Variants in ADCY2 observed in about 807,000 individuals in gnomAD.
ADCY2 encodes adenylate cyclase type 2.
ADCY2 carries 31 observed loss-of-function variants against 125.2 expected under a neutral mutation model. That is an observed-to-expected ratio of 0.25 (90% CI 0.19 to 0.33). ADCY2 has a LOEUF of 0.33. ADCY2 is among the 10% of genes least tolerant of loss of function. The pLI, the probability that ADCY2 is intolerant of heterozygous loss-of-function variation, is 1.00. For missense variants in ADCY2, 904 were observed against 1,418.2 expected (o/e 0.64, Z 5.82); for synonymous variants, 512 against 548.4 (o/e 0.93, Z 0.93).
intron 16 of ADCY2, among the ~76,000 whole-genome samples, chr5:7,758,569 G>A (rs1040461309): frequency 3.3e-5 from 5 of 152,182 alleles, no homozygotes; most frequent in African/African-American, 1.2e-4. Flanking sequence ...AATATTTATT[G>A]TATATAAAGA....
intron 20 of ADCY2, among the ~76,000 whole-genome samples, chr5:7,791,246 T>C (rs1744241395): frequency 6.6e-6 from 1 of 152,052 alleles, no homozygotes; most frequent in Non-Finnish European, 1.5e-5. Context: ...CTGAGATTTT[T>C]TTTTTCAGAG....
rs112383782 is a variant in ADCY2, at chr5:7,498,484, G to A, written c.409-22254G>A. Among the ~76,000 whole-genome samples the A allele has an allele frequency of 1.4e-4, 22 of 151,912 alleles. 1 individual carries two copies. Among genetic ancestry groups the A allele is most frequent in the South Asian group, 8.3e-4 (4 of 4,820 alleles). ...AGGATGGTCTCGATCTCCTGACCTC[G>A]TGATCCGCCTGCTTCAGCCTCCCAA... On this transcript the variant is annotated intron_variant, in intron 2 of 24. Transcript: ENST00000338316.
chr5:7,733,252 C>A (rs531387553), intron 14 of ADCY2, among the ~76,000 whole-genome samples: 7 of 152,124 alleles, frequency 4.6e-5, no homozygotes, highest in Non-Finnish European at 8.8e-5. Context: ...ATTATTATTT[C>A]TACTCAGATC....
intron 4 of ADCY2, among the ~76,000 whole-genome samples, chr5:7,634,821 A>T (rs143483900): frequency 5.9e-5 from 9 of 152,140 alleles, no homozygotes; most frequent in Non-Finnish European, 1.0e-4. Context: ...CAGGTGATAG[A>T]CTGTAACTTA....
chr5:7,612,361 CTTTG>C (rs1489806443), intron 3 of ADCY2, among the ~76,000 whole-genome samples: 2 of 152,254 alleles, frequency 1.3e-5, no homozygotes, highest in East Asian at 1.9e-4. Flanking sequence ...TACAGGGTGT[CTTTG>C]TTTGGGCTTC....
At chr5:7,821,441 G>A (rs1299259984) in intron 24 of ADCY2, among the ~76,000 whole-genome samples, 1 of 152,212 alleles carries the variant, frequency 6.6e-6, no homozygotes, top group Non-Finnish European at 1.5e-5. Flanking sequence ...GACAGTGACA[G>A]AATCAAGGAA....
chr5:7,725,448 T>C (rs1465746094), intron 13 of ADCY2, among the ~76,000 whole-genome samples: 1 of 152,152 alleles, frequency 6.6e-6, no homozygotes, highest in Non-Finnish European at 1.5e-5. Context: ...CCAAAATCTA[T>C]GGACACACCA....
chr5:7,775,175 TTGTGTGTGTGTG>T (rs200142910), intron 18 of ADCY2, among the ~76,000 whole-genome samples: 5 of 146,154 alleles, frequency 3.4e-5, no homozygotes, highest in South Asian at 2.2e-4. Context: ...CCCAGCTACT[TTGTGTGTGTGTG>T]TGTGTGTGTG....
At chr5:7,755,920 T>C (rs1178921387) in intron 15 of ADCY2, among the ~76,000 whole-genome samples, 1 of 152,250 alleles carries the variant, frequency 6.6e-6, no homozygotes, top group Non-Finnish European at 1.5e-5. Context: ...TTATTTGAAT[T>C]TGAATTTCAC....
chr5:7,484,656 A>G (rs1003202594), intron 2 of ADCY2, among the ~76,000 whole-genome samples: 1 of 152,094 alleles, frequency 6.6e-6, no homozygotes, highest in African/African-American at 2.4e-5. Flanking sequence ...CTACACTTCT[A>G]TCCTCTTTCT....
At chr5:7,649,479 A>G (rs546861798) in intron 4 of ADCY2, among the ~76,000 whole-genome samples, 14 of 152,274 alleles carry the variant, frequency 9.2e-5, no homozygotes, top group African/African-American at 3.4e-4. Flanking sequence ...GAAAGTACAT[A>G]TTTTTTCTTC....
intron 3 of ADCY2, among the ~76,000 whole-genome samples, chr5:7,566,743 AAAAC>A (rs1219950884): frequency 5.3e-5 from 8 of 152,268 alleles, no homozygotes; most frequent in Admixed American, 1.3e-4. Flanking sequence ...CCTCAGTGGC[AAAAC>A]AAACAAACAA....
intron 2 of ADCY2, among the ~76,000 whole-genome samples, chr5:7,491,793 A>G (rs545870656): frequency 6.6e-6 from 1 of 152,190 alleles, no homozygotes; most frequent in African/African-American, 2.4e-5. Flanking sequence ...AATGATTACT[A>G]TTTCCATTTG....
intron 3 of ADCY2, among the ~76,000 whole-genome samples, chr5:7,564,040 G>A (rs1735811926): frequency 6.6e-6 from 1 of 152,144 alleles, no homozygotes; most frequent in African/African-American, 2.4e-5. Context: ...TATTTGATTT[G>A]CAAGTGAATT....
intron 3 of ADCY2, among the ~76,000 whole-genome samples, chr5:7,544,388 T>A (rs1484968146): frequency 6.6e-6 from 1 of 152,114 alleles, no homozygotes; most frequent in Non-Finnish European, 1.5e-5. Flanking sequence ...TATGAGAGAA[T>A]CTCTATCCTT....
At chr5:7,460,874 G>A (rs933585971) in intron 2 of ADCY2, among the ~76,000 whole-genome samples, 6 of 152,190 alleles carry the variant, frequency 3.9e-5, no homozygotes, top group Non-Finnish European at 8.8e-5. Flanking sequence ...GACATTATAA[G>A]TTCTTTCTTT....
chr5:7,768,246 C>T (rs1743453806), intron 17 of ADCY2, among the ~76,000 whole-genome samples: 1 of 152,166 alleles, frequency 6.6e-6, no homozygotes, highest in Non-Finnish European at 1.5e-5. Flanking sequence ...GTTGCCTTCT[C>T]TATTTAGTTA....
intron 17 of ADCY2, among the ~76,000 whole-genome samples, chr5:7,772,556 A>G (rs1443877465): frequency 6.6e-6 from 1 of 152,228 alleles, no homozygotes; most frequent in Non-Finnish European, 1.5e-5. Flanking sequence ...AAGATCCTAT[A>G]GACTTAACTT....
At chr5:7,660,298 A>AG (rs1554029358) in intron 4 of ADCY2, among the ~76,000 whole-genome samples, 1 of 146,898 alleles carries the variant, frequency 6.8e-6, no homozygotes, top group Admixed American at 6.8e-5. Context: ...GAAGGAAGGA[A>AG]GGACTGTGAG....
Sources: gnomAD v4.1 joint callset for allele counts (sites outside exome capture counted in the v4.1 genomes callset) on GRCh38, gnomAD v4.1.1 for gene constraint, MANE v1.5 for transcripts, NCBI Gene and HGNC (gene_info 2026-07-23, HGNC 2026-07-21) for gene names.